The following NR1H4 variants were observed in gnomAD, a reference collection of about 807,000 sequenced individuals.
NR1H4 encodes bile acid receptor.
Under a neutral mutation model 58.5 loss-of-function variants are expected in NR1H4, and 23 were observed. That is an observed-to-expected ratio of 0.39 (90% CI 0.28 to 0.56). The LOEUF (loss-of-function observed/expected upper bound fraction) is 0.56, where lower values mean the gene tolerates loss of function less well. Ranked by LOEUF, NR1H4 falls within the 20% of genes least tolerant of loss-of-function variation. NR1H4 has a pLI of 0.58. For missense variants in NR1H4, 487 were observed against 576.9 expected (o/e 0.84, Z 1.60); for synonymous variants, 214 against 198.0 (o/e 1.08, Z -0.68).
At chr12:100,543,494 C>T (rs555438589) in intron 9 of NR1H4, among the ~76,000 whole-genome samples, 14 of 151,916 alleles carry the variant, frequency 9.2e-5, no homozygotes, top group African/African-American at 2.2e-4. Context: ...GATATATCTT[C>T]GTGGCTTATC....
chr12:100,493,329 A>C lies in NR1H4; in HGVS notation c.6A>C (p.Gly2=), dbSNP rs373222596. 6.4e-7 allele frequency: 1 copy of C among 1,552,888 alleles called. No homozygotes were observed. ...ATTTCAATTGAAAAATTTGGATGGGATCAAAAATGAATCTCATTGAACATT... is the reference window on the plus strand; with the variant it reads ...ATTTCAATTGAAAAATTTGGATGGGCTCAAAAATGAATCTCATTGAACATT... M[G]SKMNLIEHSH... Residue 2 remains glycine, a synonymous_variant, in exon 3 of 11, where the codon GGA becomes GGC. Transcript: ENST00000392986.
At chr12:100,544,245 C>T (rs1240057420) in intron 9 of NR1H4, among the ~76,000 whole-genome samples, 3 of 121,192 alleles carry the variant, frequency 2.5e-5, no homozygotes, top group Non-Finnish European at 4.7e-5. Flanking sequence ...GAGTGAGACT[C>T]GGTCTCACAA....
At chr12:100,506,052 G>T (rs964600843) in intron 3 of NR1H4, among the ~76,000 whole-genome samples, 1 of 151,384 alleles carries the variant, frequency 6.6e-6, no homozygotes. Flanking sequence ...CAGAGAGAGA[G>T]AGAGAACATG....
chr12:100,558,272 C>T (rs1955379212), intron 9 of NR1H4, among the ~76,000 whole-genome samples: 1 of 145,380 alleles, frequency 6.9e-6, no homozygotes, highest in African/African-American at 2.6e-5. Context: ...ACTTGGGAGG[C>T]CAAGGGACGG....
chr12:100,479,695 C>G (rs1191179792), intron 1 of NR1H4, among the ~76,000 whole-genome samples: 1 of 152,186 alleles, frequency 6.6e-6, no homozygotes, highest in African/African-American at 2.4e-5. Context: ...GAAGAAAATC[C>G]AAACTCCTTA....
At chr12:100,509,246 G>A (rs1954045334) in intron 3 of NR1H4, among the ~76,000 whole-genome samples, 1 of 152,182 alleles carries the variant, frequency 6.6e-6, no homozygotes, top group Non-Finnish European at 1.5e-5. Context: ...AGAATTGTCT[G>A]ACAACACTTT....
chr12:100,504,129 A>G (rs1475989102), intron 3 of NR1H4, among the ~76,000 whole-genome samples: 1 of 152,224 alleles, frequency 6.6e-6, no homozygotes, highest in African/African-American at 2.4e-5. Flanking sequence ...GTTTCTCCCA[A>G]TAGTCCATGA....
intron 9 of NR1H4, among the ~76,000 whole-genome samples, chr12:100,547,705 T>TTTTATTTATTTATTTA (rs146393173): frequency 3.8e-4 from 57 of 149,890 alleles, no homozygotes; most frequent in African/African-American, 1.3e-3. Context: ...TATTCCTTTG[T>TTTTATTTATTTATTTA]TTTATTTATT....
intron 3 of NR1H4, among the ~76,000 whole-genome samples, chr12:100,497,078 A>C (rs1484571724): frequency 6.6e-6 from 1 of 152,110 alleles, no homozygotes; most frequent in African/African-American, 2.4e-5. Context: ...AAAACCAAAG[A>C]GGTCAGTTGT....
intron 4 of NR1H4, among the ~76,000 whole-genome samples, chr12:100,516,295 G>A (rs965254425): frequency 4.6e-5 from 7 of 152,040 alleles, no homozygotes; most frequent in Non-Finnish European, 8.8e-5. Flanking sequence ...TAATTTATTC[G>A]GAAAATCTGA....
intron 5 of NR1H4, 99 bp downstream of exon 5, chr12:100,532,709 A>T: frequency 9.0e-7 from 1 of 1,106,586 alleles, no homozygotes; most frequent in Non-Finnish European, 1.3e-6. Context: ...TTAAAGAAGG[A>T]ACCTACTAAG....
intron 3 of NR1H4, chr12:100,500,146 C>A (rs963702536): frequency 3.0e-6 from 1 of 333,802 alleles, no homozygotes; most frequent in Non-Finnish European, 5.9e-6. Context: ...GACAAGGAAA[C>A]AAAATCCAAT....
intron 8 of NR1H4, among the ~76,000 whole-genome samples, chr12:100,540,004 G>A (rs899365431): frequency 6.6e-6 from 1 of 152,146 alleles, no homozygotes; most frequent in African/African-American, 2.4e-5. Flanking sequence ...AGTGTGGCTG[G>A]AACACAAAGA....
intron 4 of NR1H4, among the ~76,000 whole-genome samples, chr12:100,518,162 A>C (rs1012428030): frequency 6.6e-6 from 1 of 152,230 alleles, no homozygotes; most frequent in African/African-American, 2.4e-5. Context: ...GACCAAGTGA[A>C]ACTTGGTCCA....
rs140704432 is a variant in NR1H4 at position 100,534,737 on chromosome 12, G to A, written c.599-153G>A. 5.0e-4 allele frequency among the ~76,000 whole-genome samples: 76 copies of A among 152,248 alleles called. 1 individual carries two copies. In the East Asian group the frequency reaches 0.014, roughly 28 times the overall value. ...GTTCAAGGTTAAGTCTCAAACCTTG[G>A]CCTTCCCTTTCTAAAATGCATAAAA... On this transcript the variant is annotated intron_variant, in intron 5 of 10. Transcript: ENST00000392986.
At chr12:100,481,607 C>T (rs1953382162) in intron 1 of NR1H4, among the ~76,000 whole-genome samples, 1 of 151,896 alleles carries the variant, frequency 6.6e-6, no homozygotes, top group Admixed American at 6.6e-5. Context: ...AATCCTGTCT[C>T]TACAAAAAAT....
intron 3 of NR1H4, among the ~76,000 whole-genome samples, chr12:100,498,857 C>T (rs1953772984): frequency 6.6e-6 from 1 of 152,074 alleles, no homozygotes; most frequent in African/African-American, 2.4e-5. Flanking sequence ...TCTTTCATTT[C>T]CTTTGGCTAT....
rs193241649 is a variant in NR1H4, at chr12:100,473,949, G to A, written c.-300G>A. On this transcript the variant is annotated 5_prime_UTR_variant, in exon 1 of 11. Coordinates refer to ENST00000392986, the MANE Select transcript of NR1H4 (RefSeq NM_001206979.2). ...TTGTCTCCCCGACTTATCCTAATGC[G>A]AAATTGGATTCTGAGCATTTGTAGC... The A allele has an allele frequency of 8.5e-5, 13 of 152,268 alleles. No individual in the cohort carries two copies. The South Asian group carries it at 1.5e-3, about 17-fold the overall frequency. 9.4% of individuals were successfully genotyped at this position (152,268 alleles called of 1,614,324 possible). A position where few individuals can be genotyped will look rare whatever the true frequency, so the allele number is the denominator to read the frequency against.
chr12:100,546,284 C>T (rs1489481181), intron 9 of NR1H4, among the ~76,000 whole-genome samples: 1 of 152,026 alleles, frequency 6.6e-6, no homozygotes. Context: ...CAGACCTAGA[C>T]CCTGTTAATC....
Sources: allele counts gnomAD v4.1 joint callset (sites outside exome capture counted in the v4.1 genomes callset), GRCh38; gene constraint gnomAD v4.1.1; transcripts MANE v1.5; gene names NCBI Gene and HGNC (gene_info 2026-07-23, HGNC 2026-07-21).